The following STX2 variants were observed in gnomAD, a reference collection of about 807,000 sequenced individuals.
The protein encoded by STX2 is syntaxin-2.
STX2 carries 27 observed loss-of-function variants against 40.6 expected under a neutral mutation model. The observed-to-expected ratio is 0.66, with a 90% CI of 0.49 to 0.92. The LOEUF (loss-of-function observed/expected upper bound fraction) is 0.92. Among genes scored for constraint, STX2 ranks in the 40% least tolerant of loss-of-function variants. STX2 has a pLI of 0.00. For missense variants in STX2, 328 were observed against 366.1 expected, an observed-to-expected ratio of 0.90 and a Z score of 0.85; for synonymous variants, 123 against 119.1, an observed-to-expected ratio of 1.03 and a Z score of -0.22.
chr12:130,814,401 C>T (rs1205072125), intron 3 of STX2, among the ~76,000 whole-genome samples: 1 of 152,046 alleles, frequency 6.6e-6, no homozygotes, highest in Non-Finnish European at 1.5e-5. Flanking sequence ...GACATCTGAC[C>T]TGGGAGTGGA....
chr12:130,819,709 G>C (rs1952040110), intron 3 of STX2, among the ~76,000 whole-genome samples: 1 of 152,150 alleles, frequency 6.6e-6, no homozygotes, highest in Non-Finnish European at 1.5e-5. Flanking sequence ...TACATAAAAG[G>C]TCCTACGGGC....
In STX2 at chr12:130,812,901, A is replaced by T. The variant is rs1246084387; in HGVS notation, c.280+56T>A. On this transcript the variant is annotated intron_variant, in intron 4 of 10. Transcript: ENST00000392373. ...AGAACAAAAACCAATAAAGAAAAAA[A>T]TAACAAATACCCATACTCCCAACAT... The T allele has an allele frequency of 2.4e-6, 3 of 1,231,864 alleles. No individual in the cohort carries two copies. In the African/African-American group the frequency reaches 4.6e-5, roughly 19 times the overall value. 76.3% of individuals were successfully genotyped at this position (1,231,864 alleles called of 1,614,324 possible). A position where few individuals can be genotyped will look rare whatever the true frequency, so the allele number is the denominator to read the frequency against.
At position 130,791,917 on chromosome 12, in the gene STX2, C is replaced by G; in HGVS notation, c.*106G>C. On this transcript the variant is annotated 3_prime_UTR_variant, in exon 11 of 11. Transcript: ENST00000392373. ...TATGGTTGCTAGGACAATGTTGTTG[C>G]TAGGATAATTCCAAGGATCACAAGC... The G allele has an allele frequency of 1.2e-6, 2 of 1,611,544 alleles. No homozygotes were observed. The highest frequency in any genetic ancestry group is 1.7e-6 in the Non-Finnish European group (2 of 1,178,506).
chr12:130,811,536 C>CTTTTT (rs71088788), intron 4 of STX2, among the ~76,000 whole-genome samples: 10 of 95,554 alleles, frequency 1.0e-4, no homozygotes, highest in Non-Finnish European at 1.6e-4. Context: ...CCATTAACAT[C>CTTTTT]TTTTTTTTTT....
chr12:130,798,405 A>G (rs1951100512), intron 9 of STX2, 120 bp downstream of exon 9: 1 of 575,556 alleles, frequency 1.7e-6, no homozygotes, highest in African/African-American at 2.0e-5. Flanking sequence ...ATTTTAAAAT[A>G]AAACATTTAT....
chr12:130,832,793 C>A (rs548976800), intron 1 of STX2, among the ~76,000 whole-genome samples: 9 of 152,222 alleles, frequency 5.9e-5, no homozygotes, highest in African/African-American at 1.9e-4. Context: ...CCACTCACTA[C>A]CGACAGCATC....
At chr12:130,820,938 T>A (rs1046868276) in intron 3 of STX2, among the ~76,000 whole-genome samples, 2 of 152,210 alleles carry the variant, frequency 1.3e-5, no homozygotes, top group African/African-American at 2.4e-5. Context: ...CTCAGATCCA[T>A]GTCCCCTGTA....
intron 1 of STX2, among the ~76,000 whole-genome samples, chr12:130,830,271 G>A (rs1340140778): frequency 2.0e-5 from 3 of 152,230 alleles, no homozygotes; most frequent in East Asian, 1.9e-4. Flanking sequence ...GCTCCCCAGC[G>A]CCACGCTTCC....
At chr12:130,792,519 A>T (rs1448314945) in intron 10 of STX2, among the ~76,000 whole-genome samples, 1 of 152,226 alleles carries the variant, frequency 6.6e-6, no homozygotes, top group Non-Finnish European at 1.5e-5. Flanking sequence ...GCTGGAGAGC[A>T]GTGGTGCAGA....
chr12:130,838,595 G>T (rs778774866), intron 1 of STX2, among the ~76,000 whole-genome samples: 2 of 150,722 alleles, frequency 1.3e-5, no homozygotes, highest in Non-Finnish European at 2.9e-5. Flanking sequence ...GAAGCCCCAG[G>T]GATAAAGCAG....
At chr12:130,794,684 T>C (rs1377474700) in intron 10 of STX2, among the ~76,000 whole-genome samples, 1 of 152,138 alleles carries the variant, frequency 6.6e-6, no homozygotes, top group Non-Finnish European at 1.5e-5. Flanking sequence ...TTTTTTTTTT[T>C]CTGTAGAGAC....
chr12:130,829,745 T>C (rs1952485448), intron 1 of STX2, among the ~76,000 whole-genome samples: 1 of 152,138 alleles, frequency 6.6e-6, no homozygotes, highest in Admixed American at 6.5e-5. Flanking sequence ...CTGTGCGGTC[T>C]CAGAGGCGCA....
At chr12:130,830,142 C>T (rs1163296460) in intron 1 of STX2, among the ~76,000 whole-genome samples, 1 of 152,222 alleles carries the variant, frequency 6.6e-6, no homozygotes, top group African/African-American at 2.4e-5. Flanking sequence ...ACACCCACCA[C>T]TTCCCACTAC....
rs541498986 is a variant in STX2 at position 130,826,661 on chromosome 12, T to A, written c.105+532A>T. 2.3e-4 allele frequency among the ~76,000 whole-genome samples: 35 copies of A among 152,334 alleles called. No individual in the cohort carries two copies. The South Asian group carries it at 6.8e-3, about 30-fold the overall frequency. On this transcript the variant is annotated intron_variant, in intron 2 of 10. Coordinates refer to ENST00000392373, the MANE Select transcript of STX2 (RefSeq NM_194356.4). ...ACTTTTAAAAATATTAGCTTAAGTA[T>A]TATTTCAAATATGATAAATGCACAA...
At chr12:130,800,462 C>G (rs958961395) in intron 8 of STX2, among the ~76,000 whole-genome samples, 5 of 152,164 alleles carry the variant, frequency 3.3e-5, no homozygotes, top group African/African-American at 9.7e-5. Context: ...TGCATTAACT[C>G]TTCGGTTCAC....
At chr12:130,800,208 C>T (rs1951172617) in intron 8 of STX2, among the ~76,000 whole-genome samples, 1 of 152,078 alleles carries the variant, frequency 6.6e-6, no homozygotes, top group South Asian at 2.1e-4. Context: ...TGTGAACATA[C>T]CCATGCACAT....
rs773512588 is a variant in STX2 at position 130,807,089 on chromosome 12, T to C, written c.356A>G (p.His119Arg). ...CACAAACTTCCGAGACAGCACCGAATGCTAACAACACAGGAAAACTACATT... is the reference window on the plus strand; with the variant it reads ...CACAAACTTCCGAGACAGCACCGAACGCTAACAACACAGGAAAACTACATT... ...SVDLRIRRTQ[H>R]SVLSRKFVEA... The change falls in exon 6 of 11, where the codon CAT (histidine) becomes CGT (arginine). Residue 119 changes from histidine to arginine, a missense_variant and splice_region_variant. Physicochemically the swap from His to Arg is conservative, Grantham distance 29. Transcript: ENST00000392373. The C allele has an allele frequency of 1.3e-5, 21 of 1,613,944 alleles. No homozygotes were observed. In the East Asian group the frequency reaches 4.5e-4, roughly 34 times the overall value.
Position 130,791,032 on chromosome 12 carries a change from T to C in STX2, c.*991A>G, listed in dbSNP as rs982513706. The C allele has an allele frequency of 6.6e-6, 1 of 152,420 alleles. No individual in the cohort carries two copies. Among genetic ancestry groups the C allele is most frequent in the African/African-American group, 2.4e-5 (1 of 41,434 alleles). The allele number at this position is 152,420 out of a possible 1,614,324, so 9.4% of individuals were successfully genotyped here. A position where few individuals can be genotyped will look rare whatever the true frequency, so the allele number is the denominator to read the frequency against. On this transcript the variant is annotated 3_prime_UTR_variant, in exon 11 of 11. Coordinates refer to ENST00000392373, the MANE Select transcript of STX2 (RefSeq NM_194356.4). ...TTCCTATTTCACTCAAAAGGCCACATTCAGTATATAAAAATGGGGTACATT... is the reference window on the plus strand; with the variant it reads ...TTCCTATTTCACTCAAAAGGCCACACTCAGTATATAAAAATGGGGTACATT...
At chr12:130,804,431 C>T (rs1433623203) in intron 6 of STX2, among the ~76,000 whole-genome samples, 4 of 152,170 alleles carry the variant, frequency 2.6e-5, no homozygotes, top group East Asian at 3.8e-4. Context: ...ACGATGCCTC[C>T]GGCACAGGCA....
Sources: gnomAD v4.1 joint callset for allele counts (sites outside exome capture counted in the v4.1 genomes callset) on GRCh38, gnomAD v4.1.1 for gene constraint, MANE v1.5 for transcripts, NCBI Gene and HGNC (gene_info 2026-07-23, HGNC 2026-07-21) for gene names.